PPL: variants seen among roughly 807,000 people sequenced by gnomAD.
PPL encodes periplakin.
PPL carries 198 observed loss-of-function variants against 194.4 expected under a neutral mutation model. The observed-to-expected ratio is 1.02, with a 90% CI of 0.91 to 1.15. The LOEUF (loss-of-function observed/expected upper bound fraction) is 1.15. Ranked by LOEUF, PPL falls within the 50% of genes most tolerant of loss-of-function variation. PPL has a pLI of 0.00. For missense variants in PPL, 2,885 were observed against 2,294.8 expected (o/e 1.26, Z -5.25); for synonymous variants, 1,220 against 972.4 (o/e 1.25, Z -4.74).
chr16:4,883,412 A>G lies in PPL; in HGVS notation c.5243T>C (p.Leu1748Pro), dbSNP rs2088138583. ...YVNKDMSIQE[L>P]AVLVSGQK ...CTTCTGCCCAGATACCAAGACCGCC[A>G]GCTCCTGGATGGACATATCCTTGTT... Residue 1748 changes from leucine to proline, a missense_variant, in exon 22 of 22, where the codon CTG becomes CCG. By Grantham distance (98) the Leu-to-Pro change is moderately conservative. Transcript: ENST00000345988. The surrounding 1 kb of genome is among the most constrained non-coding windows in gnomAD (Gnocchi z 4.8). 4.3e-6 allele frequency: 7 copies of G among 1,614,076 alleles called. No homozygotes were observed. Among genetic ancestry groups the G allele is most frequent in the East Asian group, 2.2e-5 (1 of 44,902 alleles).
chr16:4,921,921 G>A (rs190649812), intron 1 of PPL, among the ~76,000 whole-genome samples: 18 of 152,070 alleles, frequency 1.2e-4, no homozygotes, highest in Middle Eastern at 3.4e-3. Flanking sequence ...AGGGATGCCC[G>A]TGAGAGGAGC....
At chr16:4,935,974 C>A (rs1008528494) in intron 1 of PPL, among the ~76,000 whole-genome samples, 1 of 152,196 alleles carries the variant, frequency 6.6e-6, no homozygotes, top group African/African-American at 2.4e-5. Flanking sequence ...TCCTTGCTAG[C>A]CCAGAGCCCC....
Position 4,892,040 on chromosome 16 carries a change from C to T in PPL, c.1824G>A (p.Gln608=), listed in dbSNP as rs1397309874. ...GCTGCCTGTCTGCCACCCACTTCTC[C>T]TGGGCCAAGTCCAGCAGCTGCAGGA... ...EHLLQLLDLA[Q]EKVDVANRLE... Residue 608 remains glutamine, a synonymous_variant, in exon 15 of 22, where the codon CAG becomes CAA. Transcript: ENST00000345988. 1 of 1,613,366 alleles carries T rather than the reference C, an allele frequency of 6.2e-7. No homozygotes were observed. The highest frequency in any genetic ancestry group is 8.5e-7 in the Non-Finnish European group (1 of 1,179,730).
At chr16:4,890,381 T>A in intron 17 of PPL, 47 bp from the exon 18 acceptor site, 1 of 1,526,666 alleles carries the variant, frequency 6.6e-7, no homozygotes, top group South Asian at 1.3e-5. Context: ...AACAGATGCC[T>A]CACCGAGCCC....
At chr16:4,909,484 T>C (rs1222293093) in intron 2 of PPL, among the ~76,000 whole-genome samples, 3 of 146,818 alleles carry the variant, frequency 2.0e-5, no homozygotes, top group African/African-American at 5.2e-5. Context: ...TGGAGCGCAG[T>C]GGCACGATCT....
chr16:4,895,549 G>C (rs763422836), intron 10 of PPL, 45 bp downstream of exon 10: 1 of 1,612,352 alleles, frequency 6.2e-7, no homozygotes, highest in South Asian at 1.1e-5. Flanking sequence ...GTGTAGAGGG[G>C]TCCCCCGCCC....
In PPL at chr16:4,885,503, T is replaced by C. The variant is rs148151950; in HGVS notation, c.3152A>G (p.Lys1051Arg). 1.9e-6 allele frequency: 3 copies of C among 1,611,596 alleles called. No individual in the cohort carries two copies. The highest frequency in any genetic ancestry group is 1.7e-5 in the Admixed American group (1 of 60,002). ...LAEEKSRAQE[K>R]VTEKEVVKLQ... ...TTTCACCACCTCTTTCTCTGTGACC[T>C]TCTCCTGCGCCCGGCTCTTCTCTTC... Residue 1051 changes from lysine to arginine, a missense_variant, in exon 22 of 22, where the codon AAG (lysine) becomes AGG (arginine). Physicochemically the swap from Lys to Arg is conservative, Grantham distance 26. Transcript: ENST00000345988. The surrounding 1 kb of genome is among the most constrained non-coding windows in gnomAD (Gnocchi z 6.3).
intron 1 of PPL, among the ~76,000 whole-genome samples, chr16:4,936,400 C>T (rs191884060): frequency 2.6e-5 from 4 of 152,128 alleles, no homozygotes; most frequent in Admixed American, 6.5e-5. Context: ...TGGCAGGTGC[C>T]GGGAAGTGCA....
At chr16:4,926,893 C>CAAA (rs906386976) in intron 1 of PPL, among the ~76,000 whole-genome samples, 7 of 110,416 alleles carry the variant, frequency 6.3e-5, no homozygotes, top group South Asian at 2.7e-4. Flanking sequence ...AAAAAAAAAA[C>CAAA]AAAAAAAAAC....
intron 9 of PPL, 74 bp from the exon 10 acceptor site, chr16:4,895,790 C>T: frequency 8.7e-6 from 14 of 1,601,784 alleles, no homozygotes; most frequent in Non-Finnish European, 1.2e-5. Context: ...AGGCTTCAAG[C>T]TCATCCCTCA....
chr16:4,890,690 CAG>C, intron 17 of PPL, 36 bp downstream of exon 17: 4 of 1,563,802 alleles, frequency 2.6e-6, no homozygotes, highest in Non-Finnish European at 3.5e-6. Flanking sequence ...ATCGCATTCT[CAG>C]AAAACAAAAA....
chr16:4,902,663 C>T lies in PPL; in HGVS notation c.318-137G>A, dbSNP rs931494178. On this transcript the variant is annotated intron_variant, in intron 3 of 21. Transcript: ENST00000345988. The surrounding 1 kb of genome is among the most constrained non-coding windows in gnomAD (Gnocchi z 4.0). ...TATGGCCTTGGGTTCCAGACAATCA[C>T]AGCATCCTCTCACCCCTCCTCCCAT... 3.2e-6 allele frequency: 3 copies of T among 939,278 alleles called. No homozygotes were observed. Among genetic ancestry groups the T allele is most frequent in the Non-Finnish European group, 4.6e-6 (3 of 651,312 alleles). The allele number at this position is 939,278 out of a possible 1,614,324, so 58.2% of individuals were successfully genotyped here.
Position 4,884,474 on chromosome 16 carries a change from C to T in PPL, c.4181G>A (p.Arg1394His), listed in dbSNP as rs769824916. 2.9e-5 allele frequency: 46 copies of T among 1,602,982 alleles called. No individual in the cohort carries two copies. The highest frequency in any genetic ancestry group is 1.7e-4 in the Middle Eastern group (1 of 6,046). The change falls in exon 22 of 22, where the codon CGC becomes CAC. Residue 1394 changes from arginine (R) to histidine (H), a missense_variant. Coordinates refer to ENST00000345988, the MANE Select transcript of PPL (RefSeq NM_002705.5). This position sits in a 1 kb window ranked among gnomAD's most constrained non-coding sequence, Gnocchi z 5.7. Reference sequence around the variant, plus strand: ...CTGCCGCTCAAGCTCGGTGCGCCGGCGCTGCAGCCGCCGCAGCTCTGCCCG... The same window carrying T: ...CTGCCGCTCAAGCTCGGTGCGCCGGTGCTGCAGCCGCCGCAGCTCTGCCCG... Reference protein sequence around the residue: ...KLRAELRRLQRRRTELERQLE... With the variant: ...KLRAELRRLQHRRTELERQLE...
Position 4,903,998 on chromosome 16 carries a change from C to CCCGGTGCTCAGGCTG in PPL, c.190_204dup (p.Gln64_Arg68dup), listed in dbSNP as rs1158493363. 5.0e-6 allele frequency: 8 copies of CCCGGTGCTCAGGCTG among 1,613,470 alleles called. No homozygotes were observed. The highest frequency in any genetic ancestry group is 4.5e-5 in the East Asian group (2 of 44,870). On this transcript the variant is annotated inframe_insertion, in exon 3 of 22. Coordinates refer to ENST00000345988, the MANE Select transcript of PPL (RefSeq NM_002705.5). ...TCCAACACCTTCTGCAGGGTCACGT[C>CCCGGTGCTCAGGCTG]CCGGTGCTCAGGCTGCCGACCCTCC...
chr16:4,884,173 C>T lies in PPL; in HGVS notation c.4482G>A (p.Glu1494=), dbSNP rs756351762. The change falls in exon 22 of 22, where the codon GAG becomes GAA. Residue 1494 remains glutamate (E), a synonymous_variant. Coordinates refer to ENST00000345988, the MANE Select transcript of PPL (RefSeq NM_002705.5). This position sits in a 1 kb window ranked among gnomAD's most constrained non-coding sequence, Gnocchi z 5.7. Reference sequence around the variant, plus strand: ...CGGAGAGCACCACCTTCTCCTTGACCTCCGCCTTCTCCAGTGCAGCCAGTT... The same window carrying T: ...CGGAGAGCACCACCTTCTCCTTGACTTCCGCCTTCTCCAGTGCAGCCAGTT... The part of the protein sequence containing the change: ...RRKLAALEKA[E]VKEKVVLSES... 6.2e-7 allele frequency: 1 copy of T among 1,613,930 alleles called. No individual in the cohort carries two copies. Among genetic ancestry groups the T allele is most frequent in the Non-Finnish European group, 8.5e-7 (1 of 1,180,026 alleles).
intron 1 of PPL, among the ~76,000 whole-genome samples, chr16:4,931,771 G>A (rs2089228631): frequency 6.6e-6 from 1 of 152,190 alleles, no homozygotes; most frequent in Non-Finnish European, 1.5e-5. Flanking sequence ...ATTGCTTAAA[G>A]GGTGTGGACG....
At chr16:4,898,635 G>C (rs1182971845) in intron 8 of PPL, among the ~76,000 whole-genome samples, 1 of 152,162 alleles carries the variant, frequency 6.6e-6, no homozygotes, top group Non-Finnish European at 1.5e-5. Context: ...AGCAAGGAAG[G>C]CACATGTCCT....
In PPL at chr16:4,902,070, G is replaced by A. The variant is rs1014324383; in HGVS notation, c.438+336C>T. Reference sequence around the variant, plus strand: ...GAGCACCCAGGAAAGGGAGCGACAGGCCAGAAGCCTGGCCGCTTCCGCCCC... The same window carrying A: ...GAGCACCCAGGAAAGGGAGCGACAGACCAGAAGCCTGGCCGCTTCCGCCCC... On this transcript the variant is annotated intron_variant, in intron 4 of 21. Coordinates refer to ENST00000345988, the MANE Select transcript of PPL (RefSeq NM_002705.5). This position sits in a 1 kb window ranked among gnomAD's most constrained non-coding sequence, Gnocchi z 4.0. Among the ~76,000 whole-genome samples, 11 of 152,226 alleles carry A rather than the reference G, an allele frequency of 7.2e-5. No individual in the cohort carries two copies. Among genetic ancestry groups the A allele is most frequent in the African/African-American group, 2.4e-4 (10 of 41,450 alleles).
At chr16:4,905,871 G>A (rs1014925101) in intron 2 of PPL, among the ~76,000 whole-genome samples, 19 of 152,180 alleles carry the variant, frequency 1.2e-4, no homozygotes, top group Non-Finnish European at 1.5e-5. Flanking sequence ...TTGGGGGGCT[G>A]TGGCAGGAGG....
Sources: allele counts gnomAD v4.1 joint callset (sites outside exome capture counted in the v4.1 genomes callset), GRCh38; gene constraint gnomAD v4.1.1; non-coding constraint Gnocchi (gnomAD v3.1); transcripts MANE v1.5; gene names NCBI Gene and HGNC (gene_info 2026-07-23, HGNC 2026-07-21).